The following ZDHHC18 variants were observed in gnomAD, a reference collection of about 807,000 sequenced individuals.
ZDHHC18 encodes the protein zDHHC palmitoyltransferase 18, also known as palmitoyltransferase ZDHHC18.
A neutral mutation model predicts 37.5 loss-of-function variants in ZDHHC18; 23 were observed. That is an observed-to-expected ratio of 0.61 (90% CI 0.44 to 0.87). The LOEUF is 0.87. Among genes scored for constraint, ZDHHC18 ranks in the 40% least tolerant of loss-of-function variants. The pLI, the probability that ZDHHC18 is intolerant of heterozygous loss-of-function variation, is 0.00. For missense variants in ZDHHC18, 406 were observed against 525.6 expected (o/e 0.77, Z 2.22); for synonymous variants, 185 against 218.7 (o/e 0.85, Z 1.36).
chr1:26,855,718 G>T lies in ZDHHC18; in HGVS notation c.*1875G>T, dbSNP rs1049240713. ...TGTAATAAAACTTCAGTTTATAAGA[G>T]TTGCTTTGCTTTGGTTTGGTTTTTG... is the stretch of plus-strand genomic sequence containing the variant. On this transcript the variant is annotated 3_prime_UTR_variant, in exon 8 of 8. Transcript: ENST00000374142. 1 of 154,402 alleles carries T rather than the reference G, an allele frequency of 6.5e-6. No homozygotes were observed. The highest frequency in any genetic ancestry group is 6.4e-5 in the Admixed American group (1 of 15,522). 9.6% of individuals were successfully genotyped at this position (154,402 alleles called of 1,614,324 possible).
Position 26,832,378 on chromosome 1 carries a change from C to T in ZDHHC18, c.336-69C>T, listed in dbSNP as rs964679351. 3.2e-6 allele frequency: 5 copies of T among 1,572,426 alleles called. No homozygotes were observed. The South Asian group carries it at 3.4e-5, about 11-fold the overall frequency. ...GTTGTTGGAATGACAGCGCCTGCCACGTGCTGTAGCCCTGTGCCGCAGGGA... is the reference window on the plus strand; with the variant it reads ...GTTGTTGGAATGACAGCGCCTGCCATGTGCTGTAGCCCTGTGCCGCAGGGA... On this transcript the variant is annotated intron_variant, in intron 1 of 7. Transcript: ENST00000374142.
In ZDHHC18 at chr1:26,850,217, C is replaced by A; in HGVS notation, c.647-84C>A. ...TGCGAGAGTGAACGGGGTAGGAAAG[C>A]CCCAGCCATGGGTGAGGCCGCCAAA... On this transcript the variant is annotated intron_variant, in intron 3 of 7. Coordinates refer to ENST00000374142, the MANE Select transcript of ZDHHC18 (RefSeq NM_032283.3). This position sits in a 1 kb window ranked among gnomAD's most constrained non-coding sequence, Gnocchi z 6.1. 1 of 1,533,966 alleles carries A rather than the reference C, an allele frequency of 6.5e-7. No individual in the cohort carries two copies. Among genetic ancestry groups the A allele is most frequent in the Non-Finnish European group, 8.8e-7 (1 of 1,133,648 alleles).
Position 26,827,159 on chromosome 1 carries a change from C to G in ZDHHC18, c.335+20C>G. On this transcript the variant is annotated intron_variant, in intron 1 of 7. Transcript: ENST00000374142. Reference sequence around the variant, plus strand: ...CTTTGAGTGAGTTCCGCTGCCTCGGCGCCCCCTCCCAGCCCCCTGCCGCGC... The same window carrying G: ...CTTTGAGTGAGTTCCGCTGCCTCGGGGCCCCCTCCCAGCCCCCTGCCGCGC... The G allele has an allele frequency of 7.3e-7, 1 of 1,367,552 alleles. No homozygotes were observed. The highest frequency in any genetic ancestry group is 9.4e-7 in the Non-Finnish European group (1 of 1,064,254). 84.7% of individuals were successfully genotyped at this position (1,367,552 alleles called of 1,614,324 possible). A position where few individuals can be genotyped will look rare whatever the true frequency, so the allele number is the denominator to read the frequency against.
intron 1 of ZDHHC18, among the ~76,000 whole-genome samples, chr1:26,830,472 G>GTAGTACAGTAACTATCTGTAGA (rs909425413): frequency 1.3e-3 from 198 of 151,884 alleles, no homozygotes; most frequent in African/African-American, 4.3e-3. Context: ...TCCAGGTACA[G>GTAGTACAGTAACTATCTGTAGA]TAGTACAGTA....
chr1:26,839,888 G>C (rs1425932276), intron 2 of ZDHHC18, among the ~76,000 whole-genome samples: 1 of 152,186 alleles, frequency 6.6e-6, no homozygotes, highest in Non-Finnish European at 1.5e-5. Context: ...AGCAATGGGA[G>C]AGCTGCTTGT....
chr1:26,852,965 C>A, intron 7 of ZDHHC18, 100 bp downstream of exon 7: 1 of 1,017,314 alleles, frequency 9.8e-7, no homozygotes, highest in Non-Finnish European at 1.5e-6. Flanking sequence ...ACCCTAGATG[C>A]CCTCCGTCCA....
At position 26,850,616 on chromosome 1, in the gene ZDHHC18, G is replaced by A; in HGVS notation, c.833+10G>A. ...AGGAGACACCAGCAAGATATCCTTTGTCAGCTAGAGGACACTCCAGTGGGA... is the reference window on the plus strand; with the variant it reads ...AGGAGACACCAGCAAGATATCCTTTATCAGCTAGAGGACACTCCAGTGGGA... On this transcript the variant is annotated intron_variant, in intron 5 of 7. Coordinates refer to ENST00000374142, the MANE Select transcript of ZDHHC18 (RefSeq NM_032283.3). This position sits in a 1 kb window ranked among gnomAD's most constrained non-coding sequence, Gnocchi z 6.1. 6.2e-7 allele frequency: 1 copy of A among 1,614,130 alleles called. No individual in the cohort carries two copies. The highest frequency in any genetic ancestry group is 8.5e-7 in the Non-Finnish European group (1 of 1,180,026).
chr1:26,852,787 A>G lies in ZDHHC18; in HGVS notation c.971A>G (p.Glu324Gly). 6.2e-7 allele frequency: 1 copy of G among 1,614,112 alleles called. No individual in the cohort carries two copies. Among genetic ancestry groups the G allele is most frequent in the Non-Finnish European group, 8.5e-7 (1 of 1,179,986 alleles). ...TCGTGGTCCAGCAAGAGGGGCGGTG[A>G]GGCCTCTGTCAACCCCTACAGCCAT... is the stretch of plus-strand genomic sequence containing the variant. Reference protein sequence around the residue: ...KGSWSSKRGGEASVNPYSHKS... With the variant: ...KGSWSSKRGGGASVNPYSHKS... Residue 324 changes from glutamate (E) to glycine (G), a missense_variant, in exon 7 of 8, where the codon GAG becomes GGG. Physicochemically the swap from Glu to Gly is moderately conservative, Grantham distance 98 (BLOSUM62 -2). Coordinates refer to ENST00000374142, the MANE Select transcript of ZDHHC18 (RefSeq NM_032283.3).
In ZDHHC18 at chr1:26,856,000, C is replaced by A; in HGVS notation, c.*2157C>A. 3.1e-6 allele frequency: 1 copy of A among 322,366 alleles called. No homozygotes were observed. The allele number at this position is 322,366 out of a possible 1,614,324, so 20.0% of individuals were successfully genotyped here. On this transcript the variant is annotated 3_prime_UTR_variant, in exon 8 of 8. Coordinates refer to ENST00000374142, the MANE Select transcript of ZDHHC18 (RefSeq NM_032283.3). Reference sequence around the variant, plus strand: ...CCCTGCCTCAGGGGCTTGGAGACCCCCAAATTCTTCTTCCCTACTGCCTTT... The same window carrying A: ...CCCTGCCTCAGGGGCTTGGAGACCCACAAATTCTTCTTCCCTACTGCCTTT...
intron 2 of ZDHHC18, among the ~76,000 whole-genome samples, chr1:26,846,201 T>C (rs914420225): frequency 3.4e-5 from 3 of 89,148 alleles, no homozygotes; most frequent in African/African-American, 1.3e-4. Flanking sequence ...TACATACATA[T>C]ATACACGTAT....
At chr1:26,840,641 T>C (rs1028850560) in intron 2 of ZDHHC18, among the ~76,000 whole-genome samples, 4 of 151,926 alleles carry the variant, frequency 2.6e-5, no homozygotes. Flanking sequence ...GGGGTTTCAG[T>C]GTGTTGGCCA....
intron 7 of ZDHHC18, 27 bp from the exon 8 acceptor site, chr1:26,853,699 T>A (rs745556582): frequency 1.2e-6 from 2 of 1,607,452 alleles, no homozygotes; most frequent in African/African-American, 2.7e-5. Flanking sequence ...GGCAGAGCCC[T>A]CATGTGTCTC....
At chr1:26,843,789 CA>C (rs902656876) in intron 2 of ZDHHC18, among the ~76,000 whole-genome samples, 11 of 143,494 alleles carry the variant, frequency 7.7e-5, no homozygotes, top group Admixed American at 1.4e-4. Context: ...TATTCCGTCT[CA>C]AAAAAAAAAG....
intron 1 of ZDHHC18, among the ~76,000 whole-genome samples, chr1:26,829,685 G>A (rs898379431): frequency 2.0e-5 from 3 of 152,194 alleles, no homozygotes; most frequent in Non-Finnish European, 4.4e-5. Context: ...CCTAGAACTC[G>A]CACCTGGTAT....
chr1:26,827,169 C>T (rs753169055), intron 1 of ZDHHC18, 30 bp downstream of exon 1: 3 of 1,339,056 alleles, frequency 2.2e-6, no homozygotes, highest in African/African-American at 1.5e-5. Context: ...CGCCCCCTCC[C>T]AGCCCCCTGC....
At chr1:26,830,440 G>T (rs1045055037) in intron 1 of ZDHHC18, among the ~76,000 whole-genome samples, 4 of 152,030 alleles carry the variant, frequency 2.6e-5, no homozygotes, top group African/African-American at 9.7e-5. Context: ...CACAGGAACT[G>T]CTTAGCCTGG....
chr1:26,853,024 G>T, intron 7 of ZDHHC18, 159 bp downstream of exon 7: 2 of 611,584 alleles, frequency 3.3e-6, no homozygotes, highest in Non-Finnish European at 5.6e-6. Context: ...ATGGAGAATT[G>T]TTATTTAATC....
At chr1:26,853,592 G>A (rs192390789) in intron 7 of ZDHHC18, 134 bp from the exon 8 acceptor site, 50 of 844,690 alleles carry the variant, frequency 5.9e-5, no homozygotes, top group Non-Finnish European at 6.1e-5. Context: ...CCCCAGATGG[G>A]CAGCAGCTCT....
chr1:26,828,130 T>A (rs2081567596), intron 1 of ZDHHC18, among the ~76,000 whole-genome samples: 1 of 152,108 alleles, frequency 6.6e-6, no homozygotes, highest in Non-Finnish European at 1.5e-5. Flanking sequence ...GTCATATATT[T>A]GTATTAGAAG....
Sources: gnomAD v4.1 joint callset for allele counts (sites outside exome capture counted in the v4.1 genomes callset) on GRCh38, gnomAD v4.1.1 for gene constraint, Gnocchi (gnomAD v3.1) non-coding constraint, MANE v1.5 for transcripts, NCBI Gene and HGNC (gene_info 2026-07-23, HGNC 2026-07-21) for gene names.